GRM8: variants seen among roughly 807,000 people sequenced by gnomAD.
The protein encoded by GRM8 is metabotropic glutamate receptor 8.
GRM8 carries 47 observed loss-of-function variants against 87.2 expected under a neutral mutation model. The observed-to-expected ratio is 0.54, with a 90% confidence interval of 0.43 to 0.69. The LOEUF (loss-of-function observed/expected upper bound fraction) is 0.69. Ranked by LOEUF, GRM8 falls within the 30% of genes least tolerant of loss-of-function variation. The pLI is 0.00. For missense variants in GRM8, 1,019 were observed against 1,139.2 expected (o/e 0.89, Z 1.52); for synonymous variants, 396 against 404.5 (o/e 0.98, Z 0.25).
chr7:126,727,474 G>C (rs1003027144), intron 7 of GRM8, among the ~76,000 whole-genome samples: 5 of 151,978 alleles, frequency 3.3e-5, no homozygotes, highest in Non-Finnish European at 7.4e-5. Context: ...ACAACTCAAT[G>C]GGATCAGTTT....
chr7:127,221,238 G>A (rs185713344), intron 2 of GRM8, among the ~76,000 whole-genome samples: 5 of 152,266 alleles, frequency 3.3e-5, no homozygotes, highest in Admixed American at 3.3e-4. Flanking sequence ...ACTTGCTCAA[G>A]GTCATAAAGA....
chr7:126,964,694 C>G (rs190327230), intron 3 of GRM8, among the ~76,000 whole-genome samples: 1 of 152,312 alleles, frequency 6.6e-6, no homozygotes, highest in East Asian at 1.9e-4. Flanking sequence ...AATAGGAATG[C>G]TTTTACCCTG....
chr7:126,732,891 A>G (rs535154454), intron 7 of GRM8, among the ~76,000 whole-genome samples: 1 of 152,306 alleles, frequency 6.6e-6, no homozygotes, highest in African/African-American at 2.4e-5. Context: ...AGTTATGTTT[A>G]GGTCACGGTT....
intron 9 of GRM8, among the ~76,000 whole-genome samples, chr7:126,456,380 C>A (rs1374473035): frequency 6.6e-6 from 1 of 151,292 alleles, no homozygotes; most frequent in Non-Finnish European, 1.5e-5. Flanking sequence ...GAGATAAAAT[C>A]TGGAATTTGG....
chr7:126,466,793 G>A (rs1584709555), intron 9 of GRM8, among the ~76,000 whole-genome samples: 1 of 151,808 alleles, frequency 6.6e-6, no homozygotes, highest in Non-Finnish European at 1.5e-5. Context: ...TGGAGGGGTG[G>A]TCTTCTTTAC....
intron 3 of GRM8, among the ~76,000 whole-genome samples, chr7:127,023,210 C>G (rs1322765840): frequency 6.6e-6 from 1 of 151,980 alleles, no homozygotes; most frequent in Non-Finnish European, 1.5e-5. Context: ...AAAATTTAAA[C>G]AATTATAAAA....
chr7:126,770,121 G>A, intron 6 of GRM8, 56 bp from the exon 7 acceptor site: 1 of 1,104,148 alleles, frequency 9.1e-7, no homozygotes, highest in Non-Finnish European at 1.4e-6. Flanking sequence ...ATAAAAGACA[G>A]CATTAGAGCT....
At chr7:126,848,247 T>G (rs1279450187) in intron 6 of GRM8, among the ~76,000 whole-genome samples, 2 of 152,174 alleles carry the variant, frequency 1.3e-5, no homozygotes, top group African/African-American at 4.8e-5. Flanking sequence ...GAGGCAGAAG[T>G]GTCCAGTGGT....
chr7:126,614,432 C>T (rs1799236702), intron 7 of GRM8, among the ~76,000 whole-genome samples: 1 of 152,114 alleles, frequency 6.6e-6, no homozygotes, highest in Non-Finnish European at 1.5e-5. Flanking sequence ...GGGGAAAAAA[C>T]AGAGCTGAAA....
intron 3 of GRM8, among the ~76,000 whole-genome samples, chr7:127,021,140 A>G (rs1816221739): frequency 6.6e-6 from 1 of 152,072 alleles, no homozygotes; most frequent in African/African-American, 2.4e-5. Context: ...TATTGCAAAT[A>G]CAGCAAATTA....
chr7:126,778,367 G>A (rs1475704800), intron 6 of GRM8, among the ~76,000 whole-genome samples: 2 of 152,062 alleles, frequency 1.3e-5, no homozygotes, highest in African/African-American at 4.8e-5. Flanking sequence ...GGTGCCAGGT[G>A]TCCCCTTCAG....
chr7:126,706,641 G>A (rs1300585886), intron 7 of GRM8, among the ~76,000 whole-genome samples: 2 of 152,034 alleles, frequency 1.3e-5, no homozygotes, highest in African/African-American at 4.8e-5. Flanking sequence ...GTTTAACCTG[G>A]GCACTTTGTG....
At chr7:126,599,697 A>T (rs1238574854) in intron 8 of GRM8, among the ~76,000 whole-genome samples, 2 of 152,152 alleles carry the variant, frequency 1.3e-5, no homozygotes, top group African/African-American at 2.4e-5. Flanking sequence ...AGACCAAGAG[A>T]GAATATGTTT....
chr7:127,112,498 T>C (rs1006712725), intron 2 of GRM8, among the ~76,000 whole-genome samples: 1 of 152,246 alleles, frequency 6.6e-6, no homozygotes, highest in Non-Finnish European at 1.5e-5. Context: ...TAAATATTCA[T>C]TGAAAGTAAA....
chr7:127,223,782 GA>G (rs1036736278), intron 2 of GRM8, among the ~76,000 whole-genome samples: 1 of 152,024 alleles, frequency 6.6e-6, no homozygotes, highest in African/African-American at 2.4e-5. Flanking sequence ...GGGTTTCAAA[GA>G]GCAACTATAA....
At chr7:126,762,837 T>C (rs963565811) in intron 7 of GRM8, among the ~76,000 whole-genome samples, 1 of 151,894 alleles carries the variant, frequency 6.6e-6, no homozygotes, top group African/African-American at 2.4e-5. Context: ...ATTTGATATG[T>C]ACCAAGCAAA....
intron 9 of GRM8, among the ~76,000 whole-genome samples, chr7:126,476,211 T>C (rs1805887586): frequency 6.6e-6 from 1 of 152,062 alleles, no homozygotes; most frequent in Non-Finnish European, 1.5e-5. Flanking sequence ...AACCAAGTTA[T>C]GTTGTTTTGA....
intron 7 of GRM8, among the ~76,000 whole-genome samples, chr7:126,768,326 C>T (rs1288111580): frequency 9.2e-6 from 1 of 108,582 alleles, no homozygotes; most frequent in Non-Finnish European, 1.7e-5. Flanking sequence ...AAAACAAGCA[C>T]AGCAACAGCA....
At chr7:127,038,037 A>C (rs1023104095) in intron 3 of GRM8, among the ~76,000 whole-genome samples, 17 of 152,330 alleles carry the variant, frequency 1.1e-4, no homozygotes, top group Non-Finnish European at 2.1e-4. Flanking sequence ...TTCGTATGGC[A>C]GTATACATAT....
Sources: allele counts gnomAD v4.1 joint callset (sites outside exome capture counted in the v4.1 genomes callset), GRCh38; gene constraint gnomAD v4.1.1; transcripts MANE v1.5; gene names NCBI Gene and HGNC (gene_info 2026-07-23, HGNC 2026-07-21).